Variants in APPBP2 observed in about 807,000 individuals in gnomAD.
The protein encoded by APPBP2 is amyloid beta precursor protein binding protein 2.
Under a neutral mutation model 76.0 loss-of-function variants are expected in APPBP2, and 15 were observed. The observed-to-expected ratio is 0.20, with a 90% CI of 0.13 to 0.30. The LOEUF (loss-of-function observed/expected upper bound fraction) is 0.30, where lower values mean the gene tolerates loss of function less well. Among genes scored for constraint, APPBP2 ranks in the 10% least tolerant of loss-of-function variants. The pLI is 1.00. For missense variants in APPBP2, 401 were observed against 687.2 expected (o/e 0.58, Z 4.66); for synonymous variants, 222 against 242.2 (o/e 0.92, Z 0.77).
chr17:60,520,727 C>T (rs368171907), intron 1 of APPBP2, among the ~76,000 whole-genome samples: 1 of 151,848 alleles, frequency 6.6e-6, no homozygotes, highest in South Asian at 2.1e-4. Flanking sequence ...AGATCATAAA[C>T]TTCATTCATT....
At chr17:60,502,966 T>A (rs1285240746) in intron 1 of APPBP2, among the ~76,000 whole-genome samples, 1 of 146,422 alleles carries the variant, frequency 6.8e-6, no homozygotes. Context: ...AACTGGTGTA[T>A]CCTACTAAAT....
chr17:60,505,182 A>C (rs1177464247), intron 1 of APPBP2, among the ~76,000 whole-genome samples: 1 of 152,230 alleles, frequency 6.6e-6, no homozygotes. Context: ...TAGTCCCTCC[A>C]TTACCACTCT....
intron 3 of APPBP2, among the ~76,000 whole-genome samples, chr17:60,486,458 C>T (rs767344793): frequency 6.8e-6 from 1 of 147,334 alleles, no homozygotes; most frequent in East Asian, 2.0e-4. Context: ...GTGATGGCCT[C>T]GTCTCTTTTG....
intron 4 of APPBP2, among the ~76,000 whole-genome samples, chr17:60,473,082 C>T (rs1207125365): frequency 6.6e-6 from 1 of 152,130 alleles, no homozygotes; most frequent in Non-Finnish European, 1.5e-5. Flanking sequence ...AGCCCATTTA[C>T]ATGTATTGTG....
intron 3 of APPBP2, among the ~76,000 whole-genome samples, chr17:60,483,128 T>C (rs2090644399): frequency 1.3e-5 from 2 of 152,222 alleles, no homozygotes; most frequent in Admixed American, 6.5e-5. Flanking sequence ...TTCTAACTGG[T>C]GTGAGATGGT....
rs1252365839 is a variant in APPBP2 at position 60,526,006 on chromosome 17, C to G, written c.-75G>C. The stretch of plus-strand genomic sequence containing the variant: ...CCACCTCCCTCCGTAGCGAACCCCT[C>G]TGCGGCCCCGGAGGATTCGGAGGGG... On this transcript the variant is annotated 5_prime_UTR_variant, in exon 1 of 13. Transcript: ENST00000083182. The G allele has an allele frequency of 2.1e-6, 3 of 1,445,620 alleles. No individual in the cohort carries two copies. The highest frequency in any genetic ancestry group is 2.8e-6 in the Non-Finnish European group (3 of 1,068,814). The allele number at this position is 1,445,620 out of a possible 1,614,324, so 89.5% of individuals were successfully genotyped here.
chr17:60,522,416 T>C (rs1168728578), intron 1 of APPBP2, among the ~76,000 whole-genome samples: 2 of 152,120 alleles, frequency 1.3e-5, no homozygotes, highest in Non-Finnish European at 2.9e-5. Flanking sequence ...TCTGACCTCC[T>C]GGTCTCAAGC....
chr17:60,479,804 T>C (rs2090616243), intron 3 of APPBP2, among the ~76,000 whole-genome samples: 1 of 152,222 alleles, frequency 6.6e-6, no homozygotes, highest in African/African-American at 2.4e-5. Flanking sequence ...ATGACTAACA[T>C]TTAATACACT....
intron 12 of APPBP2, among the ~76,000 whole-genome samples, chr17:60,449,149 G>C (rs1018002215): frequency 1.3e-5 from 2 of 152,164 alleles, no homozygotes; most frequent in African/African-American, 2.4e-5. Context: ...TAAGTAGTAG[G>C]TCTGTTTTTC....
At chr17:60,499,926 C>T (rs1337961258) in intron 2 of APPBP2, among the ~76,000 whole-genome samples, 1 of 151,558 alleles carries the variant, frequency 6.6e-6, no homozygotes, top group Admixed American at 6.6e-5. Flanking sequence ...TGGGGAGTTA[C>T]TATTTAGTGG....
intron 6 of APPBP2, 26 bp from the exon 7 acceptor site, chr17:60,462,087 A>T: frequency 3.8e-6 from 6 of 1,562,554 alleles, no homozygotes; most frequent in Non-Finnish European, 4.4e-6. Context: ...AAAATGGTTA[A>T]CTCTCAAACA....
intron 12 of APPBP2, among the ~76,000 whole-genome samples, chr17:60,448,105 A>G (rs1356425908): frequency 6.6e-6 from 1 of 152,236 alleles, no homozygotes; most frequent in Non-Finnish European, 1.5e-5. Context: ...AACTGTTTAA[A>G]GAGATCTCAA....
At chr17:60,455,500 A>T (rs925636523) in intron 10 of APPBP2, among the ~76,000 whole-genome samples, 7 of 152,216 alleles carry the variant, frequency 4.6e-5, no homozygotes, top group African/African-American at 1.4e-4. Flanking sequence ...TTAGCAAAAT[A>T]AATGCATTAC....
At chr17:60,521,186 A>G (rs1450705196) in intron 1 of APPBP2, among the ~76,000 whole-genome samples, 1 of 152,224 alleles carries the variant, frequency 6.6e-6, no homozygotes, top group Non-Finnish European at 1.5e-5. Flanking sequence ...TCCAAGCATT[A>G]TGATCACATG....
intron 6 of APPBP2, among the ~76,000 whole-genome samples, chr17:60,463,303 G>C (rs1378858257): frequency 6.6e-6 from 1 of 152,164 alleles, no homozygotes; most frequent in Non-Finnish European, 1.5e-5. Flanking sequence ...CAAAGGAGTA[G>C]TTTTAAAATA....
intron 4 of APPBP2, among the ~76,000 whole-genome samples, chr17:60,475,538 C>A (rs1474590981): frequency 6.6e-6 from 1 of 152,024 alleles, no homozygotes; most frequent in Non-Finnish European, 1.5e-5. Context: ...TATTTTCTCT[C>A]AGTAACTAAG....
At chr17:60,517,959 C>T (rs1467566079) in intron 1 of APPBP2, among the ~76,000 whole-genome samples, 2 of 152,062 alleles carry the variant, frequency 1.3e-5, no homozygotes, top group Non-Finnish European at 2.9e-5. Context: ...GCCTTAGCTG[C>T]CTTTTTCAAA....
chr17:60,513,997 TA>T (rs35785295), intron 1 of APPBP2, among the ~76,000 whole-genome samples: 24,170 of 108,462 alleles, frequency 0.22, 2,921 homozygotes, highest in African/African-American at 0.4. Context: ...TTCCCCACAT[TA>T]AAAAAAAAAA....
intron 5 of APPBP2, 90 bp downstream of exon 5, chr17:60,466,201 T>C (rs771489674): frequency 8.7e-6 from 11 of 1,265,326 alleles, no homozygotes; most frequent in Non-Finnish European, 1.2e-5. Context: ...AAAAGAGATC[T>C]GTAAGAAAAA....
Sources: allele counts gnomAD v4.1 joint callset (sites outside exome capture counted in the v4.1 genomes callset), GRCh38; gene constraint gnomAD v4.1.1; transcripts MANE v1.5; gene names NCBI Gene and HGNC (gene_info 2026-07-23, HGNC 2026-07-21).